NFYC: variants seen among roughly 807,000 people sequenced by gnomAD.
NFYC encodes CAAT box DNA-binding protein subunit C.
Under a neutral mutation model 53.1 loss-of-function variants are expected in NFYC, and 25 were observed. The ratio of observed to expected loss-of-function variants is 0.47; its 90% CI spans 0.34 to 0.66. The LOEUF (loss-of-function observed/expected upper bound fraction) is 0.66. NFYC is among the 30% of genes least tolerant of loss of function. NFYC has a pLI of 0.01. For missense variants in NFYC, 260 were observed against 422.7 expected, an observed-to-expected ratio of 0.62 and a Z score of 3.38; for synonymous variants, 145 against 152.6, an observed-to-expected ratio of 0.95 and a Z score of 0.37.
chr1:40,752,074 T>C (rs1331353622), intron 4 of NFYC, among the ~76,000 whole-genome samples: 9 of 152,260 alleles, frequency 5.9e-5, no homozygotes, highest in African/African-American at 2.2e-4. Flanking sequence ...TAGAGTTTGC[T>C]AAGGATTTCT....
At chr1:40,729,738 C>A (rs764752595) in intron 1 of NFYC, among the ~76,000 whole-genome samples, 1 of 149,002 alleles carries the variant, frequency 6.7e-6, no homozygotes, top group Non-Finnish European at 1.5e-5. Context: ...TGCAATGGTA[C>A]GATCTCAGCT....
At chr1:40,712,101 A>G (rs981279618) in intron 1 of NFYC, among the ~76,000 whole-genome samples, 1 of 152,192 alleles carries the variant, frequency 6.6e-6, no homozygotes, top group African/African-American at 2.4e-5. Flanking sequence ...AATCCAGACT[A>G]TTTGGGGGAT....
intron 7 of NFYC, 29 bp downstream of exon 7, chr1:40,763,075 C>A (rs770181439): frequency 3.3e-5 from 51 of 1,534,874 alleles, no homozygotes; most frequent in Non-Finnish European, 4.4e-5. Flanking sequence ...TCTGTCTTTA[C>A]AACTTTATAG....
At chr1:40,726,126 T>TGC (rs1553153616) in intron 1 of NFYC, among the ~76,000 whole-genome samples, 1 of 147,472 alleles carries the variant, frequency 6.8e-6, no homozygotes, top group Non-Finnish European at 1.5e-5. Flanking sequence ...TGTGTGTGTG[T>TGC]TTTTTTTTGA....
chr1:40,750,303 A>T (rs1011259161), intron 4 of NFYC, among the ~76,000 whole-genome samples: 1 of 152,246 alleles, frequency 6.6e-6, no homozygotes, highest in African/African-American at 2.4e-5. Context: ...GAGTGTAACA[A>T]GTATAAAACA....
At chr1:40,747,981 G>A (rs1219832972) in intron 3 of NFYC, among the ~76,000 whole-genome samples, 2 of 151,640 alleles carry the variant, frequency 1.3e-5, no homozygotes, top group Middle Eastern at 3.2e-3. Context: ...GATTACAGGC[G>A]CCCGCCACCA....
At chr1:40,753,508 C>A (rs1646030426) in intron 5 of NFYC, among the ~76,000 whole-genome samples, 1 of 152,158 alleles carries the variant, frequency 6.6e-6, no homozygotes, top group Non-Finnish European at 1.5e-5. Flanking sequence ...AAGCTCATTT[C>A]AAGTTATCTT....
chr1:40,748,344 G>A (rs1424290912), intron 3 of NFYC, among the ~76,000 whole-genome samples: 1 of 151,916 alleles, frequency 6.6e-6, no homozygotes, highest in African/African-American at 2.4e-5. Context: ...TCACCATGTT[G>A]TCCAGGCTAG....
chr1:40,769,335 C>G (rs1368083450), intron 8 of NFYC, 21 bp from the exon 9 acceptor site: 1 of 1,613,716 alleles, frequency 6.2e-7, no homozygotes, highest in East Asian at 2.2e-5. Context: ...CATACCAACT[C>G]TACCATCTTG....
At chr1:40,707,911 GTGACTGCCCTA>G (rs1643798252) in intron 1 of NFYC, among the ~76,000 whole-genome samples, 1 of 151,178 alleles carries the variant, frequency 6.6e-6, no homozygotes, top group Non-Finnish European at 1.5e-5. Context: ...GTCAAACTCT[GTGACTGCCCTA>G]AATAAATCAG....
chr1:40,694,500 GT>G (rs533273871), intron 1 of NFYC, among the ~76,000 whole-genome samples: 189 of 152,312 alleles, frequency 1.2e-3, no homozygotes, highest in African/African-American at 4.0e-3. Flanking sequence ...TGAAAATAGG[GT>G]TTGCCATGTA....
At chr1:40,707,115 A>T (rs993265436) in intron 1 of NFYC, among the ~76,000 whole-genome samples, 5 of 151,754 alleles carry the variant, frequency 3.3e-5, no homozygotes, top group Admixed American at 2.6e-4. Flanking sequence ...GGTTGCTGCG[A>T]GCTGAGATCG....
rs144731612 is a variant in NFYC at position 40,710,826 on chromosome 1, C to T, written c.-9+18959C>T. 2.7e-3 allele frequency among the ~76,000 whole-genome samples: 410 copies of T among 152,190 alleles called. 1 individual carries two copies. Among genetic ancestry groups the T allele is most frequent in the African/African-American group, 9.4e-3 (391 of 41,516 alleles). On this transcript the variant is annotated intron_variant, in intron 1 of 9. Transcript: ENST00000447388. ...AAAGTTCCTGGATGCAGGCCTCTGT[C>T]GTTGCTTGCAAAAGTGACCTTGAAA...
rs550125000 is a variant in NFYC, at chr1:40,763,638, C to T, written c.720+592C>T. On this transcript the variant is annotated intron_variant, in intron 7 of 9. Coordinates refer to ENST00000447388, the MANE Select transcript of NFYC (RefSeq NM_014223.5). Reference sequence around the variant, plus strand: ...CTGGGATTACAGGCATGAGCCATCACGCCCAGCCCTCAGTACTTATTTATA... The same window carrying T: ...CTGGGATTACAGGCATGAGCCATCATGCCCAGCCCTCAGTACTTATTTATA... The T allele has an allele frequency of 2.1e-5, 7 of 339,090 alleles. No homozygotes were observed. The East Asian group carries it at 2.4e-4, about 11-fold the overall frequency. 21.0% of individuals were successfully genotyped at this position (339,090 alleles called of 1,614,324 possible).
intron 1 of NFYC, among the ~76,000 whole-genome samples, chr1:40,706,016 G>A (rs1643677039): frequency 6.6e-6 from 1 of 152,202 alleles, no homozygotes; most frequent in Non-Finnish European, 1.5e-5. Flanking sequence ...AAAATGCTGG[G>A]ATTACAGGTG....
chr1:40,737,389 C>T (rs1348702267), intron 1 of NFYC, among the ~76,000 whole-genome samples: 2 of 149,012 alleles, frequency 1.3e-5, no homozygotes, highest in Non-Finnish European at 3.0e-5. Context: ...AGTGCAATGG[C>T]GTGATCTTGG....
intron 1 of NFYC, chr1:40,730,630 A>G: frequency 2.0e-6 from 2 of 982,970 alleles, no homozygotes; most frequent in Non-Finnish European, 2.4e-6. Context: ...TCATAGAGAG[A>G]TACTTGTTGA....
At chr1:40,724,328 A>G (rs1644431081) in intron 1 of NFYC, among the ~76,000 whole-genome samples, 1 of 152,132 alleles carries the variant, frequency 6.6e-6, no homozygotes, top group South Asian at 2.1e-4. Context: ...AGATCGTGCC[A>G]TTGTACTCCA....
In NFYC at chr1:40,762,859, C is replaced by G; in HGVS notation, c.562-29C>G. ...CCTGTGGGCTCTGAGCCTGAACTCA[C>G]GCAGCATTCTCATAACTCTTCCTTT... On this transcript the variant is annotated intron_variant, in intron 6 of 9. Coordinates refer to ENST00000447388, the MANE Select transcript of NFYC (RefSeq NM_014223.5). 2.0e-6 allele frequency: 3 copies of G among 1,535,020 alleles called. 1 individual carries two copies. Among genetic ancestry groups the G allele is most frequent in the Middle Eastern group, 4.1e-4 (2 of 4,828 alleles).
Sources: gnomAD v4.1 joint callset for allele counts (sites outside exome capture counted in the v4.1 genomes callset) on GRCh38, gnomAD v4.1.1 for gene constraint, MANE v1.5 for transcripts, NCBI Gene and HGNC (gene_info 2026-07-23, HGNC 2026-07-21) for gene names.